The following TTC27 variants were observed in gnomAD, a reference collection of about 807,000 sequenced individuals.
The protein encoded by TTC27 is tetratricopeptide repeat domain 27.
Under a neutral mutation model 115.9 loss-of-function variants are expected in TTC27, and 79 were observed. That is an observed-to-expected ratio of 0.68 (90% CI 0.57 to 0.82). The LOEUF (loss-of-function observed/expected upper bound fraction) is 0.82. TTC27 is among the 40% of genes least tolerant of loss of function. The probability of loss-of-function intolerance (pLI) is 0.00; values close to 1 mark genes in which losing one functional copy is unlikely to be tolerated. For synonymous variants in TTC27, 401 were observed against 356.0 expected, an observed-to-expected ratio of 1.13 and a Z score of -1.42; for missense variants, 1,054 against 993.1, an observed-to-expected ratio of 1.06 and a Z score of -0.82.
chr2:32,694,263 A>G (rs1489434107), intron 9 of TTC27, among the ~76,000 whole-genome samples: 1 of 152,260 alleles, frequency 6.6e-6, no homozygotes, highest in Non-Finnish European at 1.5e-5. Flanking sequence ...TTTGGGAGAA[A>G]TAAATAATTG....
At chr2:32,642,528 C>T (rs1243582616) in intron 4 of TTC27, among the ~76,000 whole-genome samples, 2 of 152,106 alleles carry the variant, frequency 1.3e-5, no homozygotes, top group South Asian at 2.1e-4. Flanking sequence ...GCTGGGATCA[C>T]AGGCATGAGC....
At chr2:32,695,616 G>A (rs1666957126) in intron 9 of TTC27, among the ~76,000 whole-genome samples, 1 of 151,130 alleles carries the variant, frequency 6.6e-6, no homozygotes, top group South Asian at 2.1e-4. Context: ...CTACTCGGGA[G>A]GCTGAGACAG....
chr2:32,676,750 A>G (rs900340586), intron 8 of TTC27, among the ~76,000 whole-genome samples: 3 of 151,900 alleles, frequency 2.0e-5, no homozygotes, highest in Admixed American at 1.3e-4. Flanking sequence ...TGGCCTCCAT[A>G]AGTGCTGGCA....
At chr2:32,693,431 C>CT (rs1666882770) in intron 9 of TTC27, among the ~76,000 whole-genome samples, 1 of 152,218 alleles carries the variant, frequency 6.6e-6, no homozygotes, top group Admixed American at 6.5e-5. Flanking sequence ...GCCAAGAACT[C>CT]TGTGTTTTAA....
At chr2:32,767,459 T>TTG (rs560724643) in intron 13 of TTC27, among the ~76,000 whole-genome samples, 3 of 141,064 alleles carry the variant, frequency 2.1e-5, no homozygotes, top group Non-Finnish European at 4.6e-5. Flanking sequence ...TTTTGTTTTT[T>TTG]TTTTTTTTTT....
chr2:32,810,334 G>C (rs1370021145), intron 16 of TTC27, among the ~76,000 whole-genome samples: 2 of 152,152 alleles, frequency 1.3e-5, no homozygotes, highest in African/African-American at 4.8e-5. Flanking sequence ...ATTTAGGATT[G>C]TTTTCAACAA....
At chr2:32,635,798 A>G (rs777051205) in intron 3 of TTC27, among the ~76,000 whole-genome samples, 2 of 152,230 alleles carry the variant, frequency 1.3e-5, no homozygotes, top group Admixed American at 6.5e-5. Flanking sequence ...TGCAAAAACA[A>G]GCATAAAGTG....
intron 16 of TTC27, among the ~76,000 whole-genome samples, chr2:32,809,815 T>C (rs776701974): frequency 6.6e-6 from 1 of 152,158 alleles, no homozygotes; most frequent in South Asian, 2.1e-4. Context: ...TGACTGATGA[T>C]AATAAGATAG....
At chr2:32,739,450 T>G (rs1161249059) in intron 12 of TTC27, among the ~76,000 whole-genome samples, 2 of 152,200 alleles carry the variant, frequency 1.3e-5, no homozygotes, top group African/African-American at 4.8e-5. Flanking sequence ...GGGATTTGAC[T>G]GTCCCCCTAA....
At position 32,817,549 on chromosome 2, in the gene TTC27, A is replaced by G. The variant is rs1161847351; in HGVS notation, c.2401A>G (p.Lys801Glu). 15 of 1,613,062 alleles carry G rather than the reference A, an allele frequency of 9.3e-6. No homozygotes were observed. The highest frequency in any genetic ancestry group is 1.2e-5 in the Non-Finnish European group (14 of 1,179,136). ...VRLNLRGLLS[K>E]AKQLFTDVAT... ...ACTCAATTTACGGGGCTTGTTATCT[A>G]AAGCAAAGGTGAGAGTGACATGTGA... The change falls in exon 19 of 20, where the codon AAA becomes GAA. Residue 801 changes from lysine to glutamate, a missense_variant. By Grantham distance (56) the Lys-to-Glu change is moderately conservative (BLOSUM62 1). Coordinates refer to ENST00000317907, the MANE Select transcript of TTC27 (RefSeq NM_017735.5).
intron 8 of TTC27, among the ~76,000 whole-genome samples, chr2:32,673,722 C>G (rs766918218): frequency 6.6e-6 from 1 of 152,022 alleles, no homozygotes; most frequent in African/African-American, 2.4e-5. Flanking sequence ...TGACCAGGTG[C>G]GGTGTCTTAT....
chr2:32,798,397 C>A (rs2148033407), intron 16 of TTC27, among the ~76,000 whole-genome samples: 2 of 142,084 alleles, frequency 1.4e-5, no homozygotes, highest in African/African-American at 5.2e-5. Context: ...GCGACTCCAT[C>A]TCAAAAAAAA....
chr2:32,795,965 G>A (rs555604826), intron 16 of TTC27, among the ~76,000 whole-genome samples: 1 of 152,082 alleles, frequency 6.6e-6, no homozygotes, highest in African/African-American at 2.4e-5. Flanking sequence ...TCAAGGCAGA[G>A]CAATTATACA....
At chr2:32,718,378 C>A (rs1667819035) in intron 10 of TTC27, among the ~76,000 whole-genome samples, 1 of 152,010 alleles carries the variant, frequency 6.6e-6, no homozygotes, top group Non-Finnish European at 1.5e-5. Context: ...AATATTTAGT[C>A]CATTCATAAA....
chr2:32,782,333 A>G (rs2148017092), intron 14 of TTC27, among the ~76,000 whole-genome samples: 1 of 152,324 alleles, frequency 6.6e-6, no homozygotes. Context: ...TGTACTATAT[A>G]GAGTATGTTG....
chr2:32,763,263 C>G (rs1669509535), intron 13 of TTC27, among the ~76,000 whole-genome samples: 1 of 152,114 alleles, frequency 6.6e-6, no homozygotes, highest in Non-Finnish European at 1.5e-5. Context: ...ACACTGTAGA[C>G]TCATTTTAAC....
chr2:32,745,081 A>G (rs952851547), intron 12 of TTC27, among the ~76,000 whole-genome samples: 4 of 144,120 alleles, frequency 2.8e-5, no homozygotes, highest in Admixed American at 7.1e-5. Context: ...AAAAAAAAAA[A>G]GCACATATAT....
At chr2:32,790,316 G>T (rs1294351997) in intron 16 of TTC27, among the ~76,000 whole-genome samples, 4 of 151,654 alleles carry the variant, frequency 2.6e-5, no homozygotes, top group Admixed American at 2.6e-4. Flanking sequence ...TTTTAATACA[G>T]ACATAGGGTA....
Position 32,817,515 on chromosome 2 carries a change from T to C in TTC27, c.2367T>C (p.Ser789=). ...SSSQEAVQML[S]SVRLNLRGLL... is the part of the protein sequence containing the mutation. ...CCCAAGAAGCTGTACAAATGCTTTC[T>C]TCTGTTCGACTCAATTTACGGGGCT... Residue 789 remains serine, a synonymous_variant, in exon 19 of 20, where the codon TCT becomes TCC. Coordinates refer to ENST00000317907, the MANE Select transcript of TTC27 (RefSeq NM_017735.5). The C allele has an allele frequency of 2.5e-6, 4 of 1,614,150 alleles. No homozygotes were observed. Among genetic ancestry groups the C allele is most frequent in the Non-Finnish European group, 3.4e-6 (4 of 1,180,010 alleles).
Sources: allele counts gnomAD v4.1 joint callset (sites outside exome capture counted in the v4.1 genomes callset), GRCh38; gene constraint gnomAD v4.1.1; transcripts MANE v1.5; gene names NCBI Gene and HGNC (gene_info 2026-07-23, HGNC 2026-07-21).